The following PLEKHM2 variants were observed in gnomAD, a reference collection of about 807,000 sequenced individuals.
PLEKHM2 encodes the protein pleckstrin homology and RUN domain containing M2.
A neutral mutation model predicts 116.3 loss-of-function variants in PLEKHM2; 77 were observed. The ratio of observed to expected loss-of-function variants is 0.66; its 90% CI spans 0.55 to 0.80. PLEKHM2 has a LOEUF of 0.80. Among genes scored for constraint, PLEKHM2 ranks in the 30% least tolerant of loss-of-function variants. The pLI, the probability that PLEKHM2 is intolerant of heterozygous loss-of-function variation, is 0.00. For missense variants in PLEKHM2, 1,183 were observed against 1,354.9 expected (o/e 0.87, Z 1.99); for synonymous variants, 562 against 571.0 (o/e 0.98, Z 0.22).
At chr1:15,726,794 C>G (rs562511583) in intron 8 of PLEKHM2, among the ~76,000 whole-genome samples, 1 of 152,186 alleles carries the variant, frequency 6.6e-6, no homozygotes, top group Non-Finnish European at 1.5e-5. Context: ...CCAGCCCATG[C>G]TACCCCCACC....
chr1:15,711,542 G>T (rs960114227), intron 1 of PLEKHM2, among the ~76,000 whole-genome samples: 1 of 151,896 alleles, frequency 6.6e-6, no homozygotes, highest in African/African-American at 2.4e-5. Context: ...ACCTGAACCT[G>T]GGAGACACAG....
In PLEKHM2 at chr1:15,729,852, T is replaced by C. The variant is rs1415302250; in HGVS notation, c.2131T>C (p.Tyr711His). ...AMIKGCREPP[Y>H]PSILTDATME... ...GATCAAAGGCTGTCGAGAACCTCCC[T>C]ACCCCAGCATCCTGACGGATGCCAC... Residue 711 changes from tyrosine (Y) to histidine (H), a missense_variant, in exon 14 of 20, where the codon TAC becomes CAC. By Grantham distance (83) the Tyr-to-His change is moderately conservative. This residue lies in a region of PLEKHM2 where 594 missense variants were observed against 720.1 expected (regional missense o/e 0.82). Transcript: ENST00000375799. The surrounding 1 kb of genome is among the most constrained non-coding windows in gnomAD (Gnocchi z 4.7). 1 of 1,613,216 alleles carries C rather than the reference T, an allele frequency of 6.2e-7. No individual in the cohort carries two copies. The highest frequency in any genetic ancestry group is 1.1e-5 in the South Asian group (1 of 91,078).
intron 1 of PLEKHM2, among the ~76,000 whole-genome samples, chr1:15,688,667 A>T (rs1420394642): frequency 6.9e-6 from 1 of 145,962 alleles, no homozygotes; most frequent in Non-Finnish European, 1.5e-5. Context: ...AAAAAAAAAA[A>T]GGAAATGATA....
In PLEKHM2 at chr1:15,719,823, GGTCCACGGCTCA is replaced by G; in HGVS notation, c.557_568del (p.Val186_Ser189del). The G allele has an allele frequency of 6.2e-7, 1 of 1,613,746 alleles. No individual in the cohort carries two copies. ...ACTTTGAAGACCGCCTTCCCAGCTC[GGTCCACGGCTCA>G]GACAGTCTGTCCCTCAACTCTTTCA... On this transcript the variant is annotated inframe_deletion, in exon 6 of 20. Coordinates refer to ENST00000375799, the MANE Select transcript of PLEKHM2 (RefSeq NM_015164.4). The surrounding 1 kb of genome is among the most constrained non-coding windows in gnomAD (Gnocchi z 4.1).
Position 15,728,568 on chromosome 1 carries a change from G to T in PLEKHM2, c.1922-101G>T. On this transcript the variant is annotated intron_variant, in intron 11 of 19. Coordinates refer to ENST00000375799, the MANE Select transcript of PLEKHM2 (RefSeq NM_015164.4). This position sits in a 1 kb window ranked among gnomAD's most constrained non-coding sequence, Gnocchi z 5.9. The stretch of plus-strand genomic sequence containing the variant: ...ACGCCATTCTCCTACTGCAGGGCAA[G>T]GAGAGGCCCTCTAAGAGAGGGGGCT... 8.7e-7 allele frequency: 1 copy of T among 1,146,068 alleles called. No individual in the cohort carries two copies. The allele number at this position is 1,146,068 out of a possible 1,614,324, so 71.0% of individuals were successfully genotyped here.
intron 1 of PLEKHM2, among the ~76,000 whole-genome samples, chr1:15,687,746 G>A (rs1266043610): frequency 6.6e-6 from 1 of 152,182 alleles, no homozygotes; most frequent in Admixed American, 6.6e-5. Context: ...GGCTACAGCA[G>A]TAGACATTGA....
At chr1:15,703,255 G>A (rs981791241) in intron 1 of PLEKHM2, among the ~76,000 whole-genome samples, 1 of 152,238 alleles carries the variant, frequency 6.6e-6, no homozygotes, top group Non-Finnish European at 1.5e-5. Flanking sequence ...TGTCTGCGGT[G>A]GCTGAGCAGG....
upstream of PLEKHM2, among the ~76,000 whole-genome samples, chr1:15,682,642 AC>A (rs759090993): frequency 2.0e-3 from 152 of 74,894 alleles, 1 homozygote; most frequent in Admixed American, 4.6e-3. Flanking sequence ...ACAAAACAAA[AC>A]AAAAAAAACA....
At chr1:15,716,921 A>C in intron 3 of PLEKHM2, 105 bp downstream of exon 3, 2 of 1,399,408 alleles carry the variant, frequency 1.4e-6, no homozygotes, top group Middle Eastern at 5.0e-4. Context: ...CTGGGAGGCA[A>C]ATTACCTGGT....
At chr1:15,693,847 G>A (rs1640936894) in intron 1 of PLEKHM2, among the ~76,000 whole-genome samples, 1 of 152,168 alleles carries the variant, frequency 6.6e-6, no homozygotes. Context: ...TGACAGTTGT[G>A]GGGAGAAGAA....
upstream of PLEKHM2, among the ~76,000 whole-genome samples, chr1:15,682,520 G>A (rs1450648772): frequency 1.3e-5 from 2 of 151,892 alleles, no homozygotes; most frequent in Non-Finnish European, 2.9e-5. Context: ...TCGGGAGGCT[G>A]AGGCAGGAGA....
At chr1:15,720,460 G>A (rs547236716) in intron 6 of PLEKHM2, 47 of 985,288 alleles carry the variant, frequency 4.8e-5, no homozygotes, top group Admixed American at 6.1e-5. Context: ...CGCACCCTTT[G>A]CATCAGGGAC....
Position 15,731,229 on chromosome 1 carries a change from G to C in PLEKHM2, c.2437G>C (p.Val813Leu). Residue 813 changes from valine to leucine, a missense_variant, in exon 16 of 20, where the codon GTC becomes CTC. Val to Leu is a conservative substitution (Grantham distance 32). Around this residue, in one of 3 missense-constraint regions of PLEKHM2, gnomAD observed 594 missense variants for 720.1 expected, o/e 0.82. Coordinates refer to ENST00000375799, the MANE Select transcript of PLEKHM2 (RefSeq NM_015164.4). The stretch of plus-strand genomic sequence containing the variant: ...CTACCAGTACCCGGACCGCACCGAC[G>C]TCATCCCTCTGCTCTCGGTGAACAT... ...ILYQYPDRTD[V>L]IPLLSVNMGG... The C allele has an allele frequency of 6.3e-7, 1 of 1,598,232 alleles. No individual in the cohort carries two copies. Among genetic ancestry groups the C allele is most frequent in the Non-Finnish European group, 8.5e-7 (1 of 1,172,186 alleles).
chr1:15,715,462 C>T (rs1641426169), intron 1 of PLEKHM2, among the ~76,000 whole-genome samples: 2 of 152,158 alleles, frequency 1.3e-5, no homozygotes, highest in South Asian at 2.1e-4. Context: ...GCCAACATGG[C>T]GAAACCTCGT....
At chr1:15,695,022 T>C (rs924316251) in intron 1 of PLEKHM2, among the ~76,000 whole-genome samples, 1 of 152,178 alleles carries the variant, frequency 6.6e-6, no homozygotes, top group African/African-American at 2.4e-5. Context: ...CCTCCCAAAG[T>C]CCTGGGCTTA....
chr1:15,692,307 C>T (rs1557640025), intron 1 of PLEKHM2, among the ~76,000 whole-genome samples: 1 of 152,238 alleles, frequency 6.6e-6, no homozygotes, highest in Non-Finnish European at 1.5e-5. Flanking sequence ...CAAAGATTTA[C>T]ATAAAATAGT....
At chr1:15,715,379 C>T (rs185261574) in intron 1 of PLEKHM2, among the ~76,000 whole-genome samples, 4 of 151,920 alleles carry the variant, frequency 2.6e-5, no homozygotes, top group African/African-American at 7.3e-5. Context: ...CAGTGGCTCA[C>T]GCCTGTAATC....
rs1571070477 is a variant in PLEKHM2, at chr1:15,729,216, A to G, written c.2075+26A>G. 6.3e-7 allele frequency: 1 copy of G among 1,592,558 alleles called. No homozygotes were observed. ...GTGAGTGGCAACCCCGCCCCTCTGGAAGGATTGGAGAGTTCGCAGCCGCCC... is the reference window on the plus strand; with the variant it reads ...GTGAGTGGCAACCCCGCCCCTCTGGGAGGATTGGAGAGTTCGCAGCCGCCC... On this transcript the variant is annotated intron_variant, in intron 13 of 19. Transcript: ENST00000375799. This position sits in a 1 kb window ranked among gnomAD's most constrained non-coding sequence, Gnocchi z 4.7.
At chr1:15,708,552 G>A (rs972286679) in intron 1 of PLEKHM2, among the ~76,000 whole-genome samples, 1 of 152,136 alleles carries the variant, frequency 6.6e-6, no homozygotes, top group Admixed American at 6.6e-5. Context: ...CCCCTAAAAC[G>A]TATTAGGAGG....
Sources: allele counts gnomAD v4.1 joint callset (sites outside exome capture counted in the v4.1 genomes callset), GRCh38; gene constraint gnomAD v4.1.1; regional missense constraint gnomAD v4.1.1; non-coding constraint Gnocchi (gnomAD v3.1); transcripts MANE v1.5; gene names NCBI Gene and HGNC (gene_info 2026-07-23, HGNC 2026-07-21).